The following KIF16B variants were observed in gnomAD, a reference collection of about 807,000 sequenced individuals.
The protein encoded by KIF16B is kinesin family member 16B, also known as kinesin-like protein KIF16B.
In KIF16B, 98 loss-of-function variants were observed where a neutral mutation model predicts 156.3. The ratio of observed to expected loss-of-function variants is 0.63; its 90% CI spans 0.53 to 0.74. The LOEUF is 0.74. Ranked by LOEUF, KIF16B falls within the 30% of genes least tolerant of loss-of-function variation. The probability of loss-of-function intolerance (pLI) is 0.00; values close to 1 mark genes in which losing one functional copy is unlikely to be tolerated. For synonymous variants in KIF16B, 564 were observed against 583.7 expected (o/e 0.97, Z 0.49); for missense variants, 1,421 against 1,606.5 (o/e 0.88, Z 1.97).
At chr20:16,420,831 G>A (rs1227771448) in intron 15 of KIF16B, among the ~76,000 whole-genome samples, 3 of 152,180 alleles carry the variant, frequency 2.0e-5, no homozygotes, top group Middle Eastern at 3.4e-3. Flanking sequence ...CAGAAACTGG[G>A]ATGAGGACAG....
intron 1 of KIF16B, among the ~76,000 whole-genome samples, chr20:16,556,515 C>T (rs2070854883): frequency 6.6e-6 from 1 of 152,114 alleles, no homozygotes; most frequent in African/African-American, 2.4e-5. Flanking sequence ...ATTCTTGCCC[C>T]CTGGGATTCT....
chr20:16,367,830 T>C (rs1443628520), intron 22 of KIF16B: 2 of 1,608,930 alleles, frequency 1.2e-6, no homozygotes, highest in East Asian at 2.2e-5. Flanking sequence ...GACACAGCTG[T>C]TGAGAGAGGT....
At chr20:16,328,035 A>C (rs2063886376) in intron 24 of KIF16B, among the ~76,000 whole-genome samples, 1 of 152,238 alleles carries the variant, frequency 6.6e-6, no homozygotes, top group South Asian at 2.1e-4. Flanking sequence ...CAAGGCCAAC[A>C]GCCAAATTCT....
chr20:16,305,195 T>C (rs2063524256), intron 25 of KIF16B, among the ~76,000 whole-genome samples: 1 of 152,136 alleles, frequency 6.6e-6, no homozygotes, highest in Non-Finnish European at 1.5e-5. Flanking sequence ...CTAAGCTGTA[T>C]TGTTCTCCCG....
At chr20:16,545,152 A>G (rs1321912042) in intron 1 of KIF16B, among the ~76,000 whole-genome samples, 2 of 152,146 alleles carry the variant, frequency 1.3e-5, no homozygotes, top group African/African-American at 2.4e-5. Context: ...CTTTTGAGTC[A>G]TGGAAAAAAG....
chr20:16,295,994 TTCTA>T (rs1209557550), intron 25 of KIF16B, among the ~76,000 whole-genome samples: 1 of 152,246 alleles, frequency 6.6e-6, no homozygotes, highest in Non-Finnish European at 1.5e-5. Context: ...TTAGCTGTAT[TTCTA>T]TCTGACGCTT....
In KIF16B at chr20:16,273,338, A is replaced by G; in HGVS notation, c.3869T>C (p.Leu1290Pro). The G allele has an allele frequency of 6.2e-7, 1 of 1,613,590 alleles. No individual in the cohort carries two copies. Among genetic ancestry groups the G allele is most frequent in the South Asian group, 1.1e-5 (1 of 91,068 alleles). The change falls in exon 26 of 26, where the codon CTG becomes CCG. Residue 1290 changes from leucine to proline, a missense_variant. Physicochemically the swap from Leu to Pro is moderately conservative, Grantham distance 98 (BLOSUM62 -3). Transcript: ENST00000354981. ...ACAAATGGTATGTTTCGAGAGAGTC[A>G]GTCCCACTTTGTTGATGTGGAGGGG... ...TSPLHINKVGLTLSKHTICEF... is the reference protein window; with the variant it reads ...TSPLHINKVGPTLSKHTICEF...
At chr20:16,380,470 AAAGAACCATGCCC>A (rs1167759806) in intron 18 of KIF16B, among the ~76,000 whole-genome samples, 3 of 152,180 alleles carry the variant, frequency 2.0e-5, no homozygotes, top group Non-Finnish European at 2.9e-5. Context: ...GCTCAAAGAG[AAAGAACCATGCCC>A]AATTTAAATT....
At chr20:16,325,125 G>A (rs935538075) in intron 24 of KIF16B, among the ~76,000 whole-genome samples, 1 of 151,850 alleles carries the variant, frequency 6.6e-6, no homozygotes, top group Non-Finnish European at 1.5e-5. Context: ...AAACCCTCAG[G>A]AAAATCGGCA....
At chr20:16,480,418 G>C (rs1046670184) in intron 12 of KIF16B, among the ~76,000 whole-genome samples, 1 of 152,162 alleles carries the variant, frequency 6.6e-6, no homozygotes, top group Non-Finnish European at 1.5e-5. Flanking sequence ...GACCAAGAGA[G>C]AGAATATAAC....
At chr20:16,428,122 G>A (rs2146426307) in intron 14 of KIF16B, among the ~76,000 whole-genome samples, 1 of 152,236 alleles carries the variant, frequency 6.6e-6, no homozygotes, top group Non-Finnish European at 1.5e-5. Flanking sequence ...TGAATCTGGG[G>A]ACTTCTAGAA....
chr20:16,294,093 G>T (rs975013620), intron 25 of KIF16B, among the ~76,000 whole-genome samples: 5 of 152,168 alleles, frequency 3.3e-5, no homozygotes, highest in African/African-American at 1.2e-4. Flanking sequence ...AAGGGGAAAT[G>T]GAGGGCATGA....
intron 23 of KIF16B, among the ~76,000 whole-genome samples, chr20:16,351,301 G>C (rs757684115): frequency 6.6e-6 from 1 of 152,124 alleles, no homozygotes; most frequent in Non-Finnish European, 1.5e-5. Flanking sequence ...ACATGAGTGT[G>C]ATAGTCTCTG....
At chr20:16,565,451 T>C (rs1047356549) in intron 1 of KIF16B, among the ~76,000 whole-genome samples, 2 of 152,186 alleles carry the variant, frequency 1.3e-5, no homozygotes, top group African/African-American at 4.8e-5. Context: ...AGAGTCTCAC[T>C]GATACCCAGT....
chr20:16,298,930 A>C (rs2122574894), intron 25 of KIF16B, among the ~76,000 whole-genome samples: 1 of 151,912 alleles, frequency 6.6e-6, no homozygotes, highest in South Asian at 2.1e-4. Context: ...AGAGAGAAAA[A>C]CCTACAGATT....
intron 12 of KIF16B, among the ~76,000 whole-genome samples, chr20:16,441,521 C>T (rs1242148599): frequency 1.3e-5 from 2 of 152,126 alleles, no homozygotes; most frequent in African/African-American, 4.8e-5. Flanking sequence ...TCCCGCTAGA[C>T]CAAGAAGCTT....
chr20:16,500,384 G>T (rs1274496273), intron 10 of KIF16B, among the ~76,000 whole-genome samples: 2 of 152,082 alleles, frequency 1.3e-5, no homozygotes, highest in Non-Finnish European at 2.9e-5. Flanking sequence ...TAACATAAAA[G>T]GTAGTCTTTT....
At chr20:16,552,707 C>G (rs1410188494) in intron 1 of KIF16B, among the ~76,000 whole-genome samples, 1 of 152,198 alleles carries the variant, frequency 6.6e-6, no homozygotes, top group East Asian at 1.9e-4. Context: ...CATTATGACA[C>G]CAGCATATTA....
chr20:16,496,170 T>C (rs2068446623), intron 11 of KIF16B, among the ~76,000 whole-genome samples: 1 of 152,256 alleles, frequency 6.6e-6, no homozygotes. Context: ...AATATTCTTA[T>C]GCCTTCTCTC....
Sources: gnomAD v4.1 joint callset for allele counts (sites outside exome capture counted in the v4.1 genomes callset) on GRCh38, gnomAD v4.1.1 for gene constraint, MANE v1.5 for transcripts, NCBI Gene and HGNC (gene_info 2026-07-23, HGNC 2026-07-21) for gene names.